Variants in NOS1AP observed in about 807,000 individuals in gnomAD.
NOS1AP encodes the protein nitric oxide synthase 1 adaptor protein, also known as carboxyl-terminal PDZ ligand of neuronal nitric oxide synthase protein.
In NOS1AP, 21 loss-of-function variants were observed where a neutral mutation model predicts 56.2. The ratio of observed to expected loss-of-function variants is 0.37; its 90% CI spans 0.26 to 0.54. NOS1AP has a LOEUF of 0.54. Ranked by LOEUF, NOS1AP falls within the 20% of genes least tolerant of loss-of-function variation. The pLI, the probability that NOS1AP is intolerant of heterozygous loss-of-function variation, is 0.84. For synonymous variants in NOS1AP, 270 were observed against 274.6 expected, an observed-to-expected ratio of 0.98 and a Z score of 0.17; for missense variants, 522 against 657.8, an observed-to-expected ratio of 0.79 and a Z score of 2.26.
chr1:162,210,867 C>T (rs1360471811), intron 2 of NOS1AP, among the ~76,000 whole-genome samples: 1 of 152,250 alleles, frequency 6.6e-6, no homozygotes, highest in Non-Finnish European at 1.5e-5. Flanking sequence ...ACGAGTATGG[C>T]CCAGCGACTG....
chr1:162,193,792 G>A (rs1226090396), intron 2 of NOS1AP, among the ~76,000 whole-genome samples: 1 of 152,174 alleles, frequency 6.6e-6, no homozygotes, highest in Non-Finnish European at 1.5e-5. Context: ...TCTAAAGCCT[G>A]AGATCACTCT....
intron 1 of NOS1AP, among the ~76,000 whole-genome samples, chr1:162,107,460 A>C (rs1647558158): frequency 6.6e-6 from 1 of 152,200 alleles, no homozygotes; most frequent in African/African-American, 2.4e-5. Flanking sequence ...CAGCCTTCTT[A>C]GTAGCTAGGA....
intron 1 of NOS1AP, among the ~76,000 whole-genome samples, chr1:162,118,881 C>T (rs1648080411): frequency 6.6e-6 from 1 of 152,104 alleles, no homozygotes; most frequent in South Asian, 2.1e-4. Context: ...AAAACCTCAT[C>T]TCGGAGCCTT....
At chr1:162,362,607 C>T (rs989344914) in intron 8 of NOS1AP, among the ~76,000 whole-genome samples, 2 of 152,190 alleles carry the variant, frequency 1.3e-5, no homozygotes, top group African/African-American at 4.8e-5. Flanking sequence ...TTCCACATTT[C>T]TCTCTGGTTG....
At chr1:162,357,575 G>C (rs981904316) in intron 8 of NOS1AP, among the ~76,000 whole-genome samples, 3 of 151,996 alleles carry the variant, frequency 2.0e-5, no homozygotes, top group Admixed American at 6.6e-5. Context: ...GTTGTAAAAA[G>C]ATTACTACCC....
chr1:162,347,467 G>A (rs392829), intron 6 of NOS1AP, among the ~76,000 whole-genome samples: 145,370 of 152,306 alleles, frequency 0.95, 69,769 homozygotes, highest in Middle Eastern at 1. Context: ...AACAACCATC[G>A]GAGGAATTTA....
At chr1:162,144,614 G>C (rs1330868978) in intron 1 of NOS1AP, among the ~76,000 whole-genome samples, 1 of 151,902 alleles carries the variant, frequency 6.6e-6, no homozygotes, top group Non-Finnish European at 1.5e-5. Flanking sequence ...ATAACCTGCT[G>C]GCCAAGTCAG....
In NOS1AP at chr1:162,367,230, G is replaced by A; in HGVS notation, c.1284G>A (p.Leu428=). ...GTAGGCGCGACTGCTTGGTGAAGCT[G>A]GAGTGCTTTCGCTTTCTTCCGCCCG... ...PLGRRDCLVK[L]ECFRFLPPED... Residue 428 remains leucine, a synonymous_variant, in exon 10 of 10, where the codon CTG becomes CTA. Transcript: ENST00000361897. This position sits in a 1 kb window ranked among gnomAD's most constrained non-coding sequence, Gnocchi z 6.5. The A allele has an allele frequency of 1.2e-6, 2 of 1,613,944 alleles. No individual in the cohort carries two copies. The highest frequency in any genetic ancestry group is 2.2e-5 in the South Asian group (2 of 91,088).
intron 1 of NOS1AP, among the ~76,000 whole-genome samples, chr1:162,137,096 G>C (rs1054669104): frequency 6.6e-6 from 1 of 152,204 alleles, no homozygotes; most frequent in African/African-American, 2.4e-5. Flanking sequence ...GGAGCTGAGA[G>C]TTGGAGTTGA....
chr1:162,319,811 G>A (rs972088931), intron 4 of NOS1AP, among the ~76,000 whole-genome samples: 1 of 144,850 alleles, frequency 6.9e-6, no homozygotes, highest in Non-Finnish European at 1.6e-5. Flanking sequence ...GGGCTCCCAG[G>A]GACACTGCAC....
At chr1:162,143,730 G>A (rs1558120029) in intron 1 of NOS1AP, among the ~76,000 whole-genome samples, 1 of 152,082 alleles carries the variant, frequency 6.6e-6, no homozygotes, top group Non-Finnish European at 1.5e-5. Context: ...TCAAAGTGCT[G>A]GGATTTCAGG....
intron 2 of NOS1AP, among the ~76,000 whole-genome samples, chr1:162,274,800 T>C (rs927566496): frequency 3.3e-5 from 5 of 152,248 alleles, no homozygotes; most frequent in African/African-American, 1.2e-4. Flanking sequence ...ACAAAAACAC[T>C]GAACCAACTA....
At chr1:162,248,893 G>A (rs1653760105) in intron 2 of NOS1AP, among the ~76,000 whole-genome samples, 1 of 151,872 alleles carries the variant, frequency 6.6e-6, no homozygotes, top group South Asian at 2.1e-4. Context: ...AACTCTTCTT[G>A]TTTCCTTCTC....
intron 2 of NOS1AP, among the ~76,000 whole-genome samples, chr1:162,282,179 C>T (rs1185435204): frequency 6.6e-6 from 1 of 152,180 alleles, no homozygotes; most frequent in Non-Finnish European, 1.5e-5. Context: ...TGCTGTACAA[C>T]CATCACCACC....
intron 2 of NOS1AP, among the ~76,000 whole-genome samples, chr1:162,180,284 G>T (rs909505034): frequency 2.6e-5 from 4 of 151,554 alleles, no homozygotes; most frequent in Non-Finnish European, 4.4e-5. Context: ...TCGCTCTGTC[G>T]CCCAGGCTGG....
At chr1:162,251,629 T>C (rs1229784156) in intron 2 of NOS1AP, among the ~76,000 whole-genome samples, 1 of 151,560 alleles carries the variant, frequency 6.6e-6, no homozygotes, top group African/African-American at 2.4e-5. Flanking sequence ...TGTGTGTGTG[T>C]GTGTCTGTGT....
intron 4 of NOS1AP, among the ~76,000 whole-genome samples, chr1:162,315,844 G>A (rs1386152243): frequency 6.6e-6 from 1 of 152,194 alleles, no homozygotes; most frequent in Non-Finnish European, 1.5e-5. Context: ...CCCCCACAGT[G>A]GGGATCTAAT....
At chr1:162,168,142 G>A (rs1046413833) in intron 2 of NOS1AP, among the ~76,000 whole-genome samples, 9 of 152,304 alleles carry the variant, frequency 5.9e-5, no homozygotes, top group South Asian at 2.1e-4. Context: ...CAGTAACCTG[G>A]TCACATAGGC....
Position 162,367,388 on chromosome 1 carries a change from A to T in NOS1AP, c.1442A>T (p.Gln481Leu). The T allele has an allele frequency of 6.2e-7, 1 of 1,606,714 alleles. No homozygotes were observed. The highest frequency in any genetic ancestry group is 8.5e-7 in the Non-Finnish European group (1 of 1,176,414). Residue 481 changes from glutamine (Q) to leucine (L), a missense_variant, in exon 10 of 10, where the codon CAG becomes CTG. Transcript: ENST00000361897. The surrounding 1 kb of genome is among the most constrained non-coding windows in gnomAD (Gnocchi z 6.5). ...AGCGAGGAGCGCGACTCGTGGTCCC[A>T]GGAGGAGCTGCCGCGCCTGCTGAAT... ...DESEERDSWSQEELPRLLNVL... is the reference protein window; with the variant it reads ...DESEERDSWSLEELPRLLNVL...
Sources: gnomAD v4.1 joint callset for allele counts (sites outside exome capture counted in the v4.1 genomes callset) on GRCh38, gnomAD v4.1.1 for gene constraint, Gnocchi (gnomAD v3.1) non-coding constraint, MANE v1.5 for transcripts, NCBI Gene and HGNC (gene_info 2026-07-23, HGNC 2026-07-21) for gene names.